The following EPHA4 variants were observed in gnomAD, a reference collection of about 807,000 sequenced individuals.
EPHA4 encodes EPH receptor A4.
In EPHA4, 19 loss-of-function variants were observed where a neutral mutation model predicts 108.3. The observed-to-expected ratio is 0.18, with a 90% CI of 0.12 to 0.26. The LOEUF (loss-of-function observed/expected upper bound fraction) is 0.26, where lower values mean the gene tolerates loss of function less well. EPHA4 is among the 10% of genes least tolerant of loss of function. The pLI is 1.00. For synonymous variants in EPHA4, 449 were observed against 455.5 expected, an observed-to-expected ratio of 0.99 and a Z score of 0.18; for missense variants, 917 against 1,254.0, an observed-to-expected ratio of 0.73 and a Z score of 4.06.
intron 13 of EPHA4, among the ~76,000 whole-genome samples, chr2:221,434,560 GA>G (rs1193392445): frequency 6.6e-6 from 1 of 152,060 alleles, no homozygotes; most frequent in Non-Finnish European, 1.5e-5. Context: ...CAATATTCTA[GA>G]AAAAAAGAAA....
At chr2:221,465,926 A>G (rs1460073714) in intron 5 of EPHA4, among the ~76,000 whole-genome samples, 2 of 152,250 alleles carry the variant, frequency 1.3e-5, no homozygotes, top group Non-Finnish European at 2.9e-5. Flanking sequence ...GATAAACTGT[A>G]GAAGTACTGT....
At chr2:221,477,046 TTTATTATTATTA>T (rs140420658) in intron 5 of EPHA4, among the ~76,000 whole-genome samples, 1 of 148,940 alleles carries the variant, frequency 6.7e-6, no homozygotes, top group East Asian at 2.0e-4. Flanking sequence ...GCCACTTTAT[TTTATTATTATTA>T]TTATTATTAT....
chr2:221,525,158 G>A (rs1421996099), intron 3 of EPHA4, among the ~76,000 whole-genome samples: 1 of 152,080 alleles, frequency 6.6e-6, no homozygotes, highest in Non-Finnish European at 1.5e-5. Flanking sequence ...AACCTGTCAG[G>A]GACCTCAGTG....
At chr2:221,470,880 A>T (rs974355731) in intron 5 of EPHA4, among the ~76,000 whole-genome samples, 9 of 152,142 alleles carry the variant, frequency 5.9e-5, no homozygotes, top group African/African-American at 2.2e-4. Context: ...CTTTTTGACA[A>T]TTTTCTCAAA....
intron 1 of EPHA4, among the ~76,000 whole-genome samples, chr2:221,570,398 C>G (rs1350221676): frequency 6.6e-6 from 1 of 151,962 alleles, no homozygotes; most frequent in East Asian, 1.9e-4. Flanking sequence ...TCTCAGGGGA[C>G]GTCCTAACAA....
At chr2:221,511,249 C>T (rs1277220989) in intron 3 of EPHA4, among the ~76,000 whole-genome samples, 2 of 152,198 alleles carry the variant, frequency 1.3e-5, no homozygotes, top group Non-Finnish European at 1.5e-5. Context: ...CAGAACGACT[C>T]TGTACTTCTA....
chr2:221,515,361 C>T (rs1161259131), intron 3 of EPHA4, among the ~76,000 whole-genome samples: 1 of 152,236 alleles, frequency 6.6e-6, no homozygotes, highest in Non-Finnish European at 1.5e-5. Context: ...TCCCAAAGAG[C>T]TGGAATTACA....
intron 8 of EPHA4, among the ~76,000 whole-genome samples, chr2:221,449,628 A>T (rs1231940795): frequency 6.6e-6 from 1 of 152,198 alleles, no homozygotes; most frequent in Non-Finnish European, 1.5e-5. Context: ...ATTAGCAGAC[A>T]TTGTTGCAGA....
chr2:221,428,462 C>T (rs150957079), intron 15 of EPHA4, among the ~76,000 whole-genome samples: 8 of 152,308 alleles, frequency 5.3e-5, no homozygotes, highest in African/African-American at 1.9e-4. Flanking sequence ...AATACCTCAA[C>T]TTGTTCTGTA....
chr2:221,432,457 T>A (rs1049773493), intron 14 of EPHA4, among the ~76,000 whole-genome samples: 1 of 152,190 alleles, frequency 6.6e-6, no homozygotes, highest in Non-Finnish European at 1.5e-5. Context: ...TTCCCCTCCA[T>A]AGTCTTCTTC....
chr2:221,487,248 G>T (rs1692005839), intron 4 of EPHA4, among the ~76,000 whole-genome samples: 1 of 152,166 alleles, frequency 6.6e-6, no homozygotes, highest in Non-Finnish European at 1.5e-5. Flanking sequence ...ATAGTTGCAG[G>T]AATGGATAGG....
intron 3 of EPHA4, among the ~76,000 whole-genome samples, chr2:221,558,839 G>A (rs28679679): frequency 2.4e-3 from 371 of 152,238 alleles, no homozygotes; most frequent in African/African-American, 8.6e-3. Context: ...AATGATCACA[G>A]CCATGCTTCA....
At chr2:221,509,379 A>G (rs1050056347) in intron 3 of EPHA4, among the ~76,000 whole-genome samples, 1 of 152,210 alleles carries the variant, frequency 6.6e-6, no homozygotes, top group Middle Eastern at 3.2e-3. Flanking sequence ...AGTTATTTCG[A>G]GATTTTTTTG....
intron 15 of EPHA4, among the ~76,000 whole-genome samples, chr2:221,429,700 T>C (rs1424014118): frequency 1.3e-5 from 2 of 152,336 alleles, no homozygotes; most frequent in African/African-American, 4.8e-5. Flanking sequence ...AAATAGGCAC[T>C]TCAGTTATTT....
chr2:221,443,142 C>CA, intron 10 of EPHA4, 128 bp from the exon 11 acceptor site: 1 of 936,842 alleles, frequency 1.1e-6, no homozygotes, highest in Non-Finnish European at 1.6e-6. Context: ...GATTATTTCA[C>CA]AAAATCCTCC....
chr2:221,483,053 C>T (rs951371531), intron 4 of EPHA4, among the ~76,000 whole-genome samples: 3 of 152,148 alleles, frequency 2.0e-5, no homozygotes, highest in African/African-American at 7.2e-5. Flanking sequence ...TTCTAGTTCC[C>T]AGGGCCGTTG....
intron 3 of EPHA4, chr2:221,501,432 G>C (rs1366350408): frequency 2.8e-6 from 1 of 360,240 alleles, no homozygotes; most frequent in African/African-American, 2.1e-5. Flanking sequence ...TCAAGGAAAA[G>C]CACAGCAAAG....
rs1689699269 is a variant in EPHA4, at chr2:221,419,854, A to T, written c.*1518T>A. ...GTATCATGTAGTTCTTCATCTTGAA[A>T]CTGGTGGAAAACCAGAACTCTCCAG... On this transcript the variant is annotated 3_prime_UTR_variant, in exon 18 of 18. Transcript: ENST00000281821. 1 of 152,540 alleles carries T rather than the reference A, an allele frequency of 6.6e-6. No homozygotes were observed. Among genetic ancestry groups the T allele is most frequent in the Non-Finnish European group, 1.5e-5 (1 of 68,052 alleles). 9.4% of individuals were successfully genotyped at this position (152,540 alleles called of 1,614,324 possible). A position where few individuals can be genotyped will look rare whatever the true frequency, so the allele number is the denominator to read the frequency against.
intron 5 of EPHA4, among the ~76,000 whole-genome samples, chr2:221,459,289 C>T (rs758154140): frequency 8.1e-5 from 11 of 135,722 alleles, no homozygotes; most frequent in Non-Finnish European, 1.4e-4. Flanking sequence ...GTAACAGGCG[C>T]ACACACACAC....
Sources: allele counts gnomAD v4.1 joint callset (sites outside exome capture counted in the v4.1 genomes callset), GRCh38; gene constraint gnomAD v4.1.1; transcripts MANE v1.5; gene names NCBI Gene and HGNC (gene_info 2026-07-23, HGNC 2026-07-21).